Variants in VAT1L observed in about 807,000 individuals in gnomAD.
VAT1L encodes the protein putative NADPH-dependent quinone oxidoreductase VAT1L.
Under a neutral mutation model 44.1 loss-of-function variants are expected in VAT1L, and 34 were observed. The observed-to-expected ratio is 0.77, with a 90% CI of 0.59 to 1.03. VAT1L has a LOEUF of 1.03. Among genes scored for constraint, VAT1L ranks in the 50% least tolerant of loss-of-function variants. The pLI is 0.00. For synonymous variants in VAT1L, 253 were observed against 202.2 expected (o/e 1.25, Z -2.13); for missense variants, 615 against 538.8 (o/e 1.14, Z -1.40).
At position 77,884,304 on chromosome 16, in the gene VAT1L, A is replaced by G. The variant is rs1299474285; in HGVS notation, c.883-304A>G. Among the ~76,000 whole-genome samples the G allele has an allele frequency of 1.3e-5, 2 of 152,076 alleles. No individual in the cohort carries two copies. The highest frequency in any genetic ancestry group is 3.9e-4 in the East Asian group (2 of 5,176). On this transcript the variant is annotated intron_variant, in intron 6 of 8. Coordinates refer to ENST00000302536, the MANE Select transcript of VAT1L (RefSeq NM_020927.3). This position sits in a 1 kb window ranked among gnomAD's most constrained non-coding sequence, Gnocchi z 4.5. ...CTGGGCATGGTCGTGGGCGCCTGTAATCCCAGCTACTCGGGAGGCTGGGGC... is the reference window on the plus strand; with the variant it reads ...CTGGGCATGGTCGTGGGCGCCTGTAGTCCCAGCTACTCGGGAGGCTGGGGC...
chr16:77,946,699 G>A (rs563947383), intron 7 of VAT1L, among the ~76,000 whole-genome samples: 1 of 152,330 alleles, frequency 6.6e-6, no homozygotes, highest in African/African-American at 2.4e-5. Flanking sequence ...CTGGGAAGAT[G>A]TGACTTCAAT....
chr16:77,907,959 G>A (rs777122003), intron 7 of VAT1L, among the ~76,000 whole-genome samples: 13 of 152,170 alleles, frequency 8.5e-5, no homozygotes, highest in Non-Finnish European at 1.3e-4. Context: ...CCATCAAAAG[G>A]GCTGGACACG....
At position 77,876,450 on chromosome 16, in the gene VAT1L, C is replaced by G. The variant is rs770123756; in HGVS notation, c.803C>G (p.Pro268Arg). Residue 268 changes from proline (P) to arginine (R), a missense_variant, in exon 5 of 9, where the codon CCC becomes CGC. By Grantham distance (103) the Pro-to-Arg change is moderately radical. Transcript: ENST00000302536. ...GGAAAAGGTCTCAGTCTTCTCAAAC[C>G]CCTGGGAACCTACATTTTATATGGT... Reference protein sequence around the residue: ...NTGKGLSLLKPLGTYILYGSS... With the variant: ...NTGKGLSLLKRLGTYILYGSS... 1.2e-5 allele frequency: 19 copies of G among 1,614,018 alleles called. No homozygotes were observed. Among genetic ancestry groups the G allele is most frequent in the Admixed American group, 3.3e-5 (2 of 60,002 alleles).
In VAT1L at chr16:77,884,632, C is replaced by A; in HGVS notation, c.907C>A (p.Pro303Thr). The change falls in exon 7 of 9, where the codon CCC (proline) becomes ACC (threonine). Residue 303 changes from proline (P) to threonine (T), a missense_variant. Physicochemically the swap from Pro to Thr is conservative, Grantham distance 38. Coordinates refer to ENST00000302536, the MANE Select transcript of VAT1L (RefSeq NM_020927.3). The surrounding 1 kb of genome is among the most constrained non-coding windows in gnomAD (Gnocchi z 4.5). Reference protein sequence around the residue: ...KSWWQVEKVNPIKLYEENKVI... With the variant: ...KSWWQVEKVNTIKLYEENKVI... ...GTGGTGGCAGGTGGAGAAGGTGAAC[C>A]CCATCAAGCTGTATGAGGAGAACAA... 1.2e-6 allele frequency: 2 copies of A among 1,613,370 alleles called. No homozygotes were observed. Among genetic ancestry groups the A allele is most frequent in the South Asian group, 1.1e-5 (1 of 90,872 alleles).
intron 7 of VAT1L, among the ~76,000 whole-genome samples, chr16:77,905,658 T>C (rs578081663): frequency 7.2e-5 from 11 of 152,324 alleles, no homozygotes; most frequent in Non-Finnish European, 1.3e-4. Context: ...ATTCTGTTTA[T>C]ATCATTAGCT....
rs181691971 is a variant in VAT1L, at chr16:77,902,567, G to C, written c.1077+17765G>C. ...TTAAATGCCAAACAATATTATATTT[G>C]GTAAAACAATGTAAGACCCTCAACA... On this transcript the variant is annotated intron_variant, in intron 7 of 8. Transcript: ENST00000302536. 8.6e-5 allele frequency among the ~76,000 whole-genome samples: 13 copies of C among 151,982 alleles called. No homozygotes were observed. The East Asian group carries it at 2.5e-3, about 29-fold the overall frequency.
At chr16:77,920,938 T>C (rs1050353934) in intron 7 of VAT1L, among the ~76,000 whole-genome samples, 1 of 151,804 alleles carries the variant, frequency 6.6e-6, no homozygotes, top group Non-Finnish European at 1.5e-5. Flanking sequence ...TGTGTGTGTG[T>C]GTGTGTGTGT....
chr16:77,830,365 G>A (rs1360150428), intron 3 of VAT1L, among the ~76,000 whole-genome samples: 1 of 152,036 alleles, frequency 6.6e-6, no homozygotes, highest in East Asian at 1.9e-4. Context: ...TTTAATAAAA[G>A]CTATAGGAGA....
At chr16:77,806,664 C>G (rs1226693385) in intron 1 of VAT1L, among the ~76,000 whole-genome samples, 1 of 152,204 alleles carries the variant, frequency 6.6e-6, no homozygotes, top group Non-Finnish European at 1.5e-5. Flanking sequence ...TTTTTCTAAT[C>G]TTCACTTCCT....
At chr16:77,791,295 T>A (rs2015830699) in intron 1 of VAT1L, among the ~76,000 whole-genome samples, 1 of 152,166 alleles carries the variant, frequency 6.6e-6, no homozygotes, top group African/African-American at 2.4e-5. Context: ...AATAGAAACC[T>A]TTTTGTCATA....
At chr16:77,929,418 C>G (rs1284425360) in intron 7 of VAT1L, among the ~76,000 whole-genome samples, 1 of 152,146 alleles carries the variant, frequency 6.6e-6, no homozygotes, top group Non-Finnish European at 1.5e-5. Flanking sequence ...AGTTTCAAGA[C>G]AAGCTGAATT....
intron 3 of VAT1L, among the ~76,000 whole-genome samples, chr16:77,844,254 T>C (rs1194165761): frequency 6.6e-6 from 1 of 152,204 alleles, no homozygotes; most frequent in East Asian, 1.9e-4. Context: ...GTACAGACTT[T>C]TTCCTTGTGA....
intron 7 of VAT1L, among the ~76,000 whole-genome samples, chr16:77,954,415 A>G (rs2018079011): frequency 6.6e-6 from 1 of 152,186 alleles, no homozygotes; most frequent in Admixed American, 6.5e-5. Context: ...TCACAAGATC[A>G]GGAGTTCGAG....
intron 4 of VAT1L, among the ~76,000 whole-genome samples, chr16:77,869,434 G>T (rs2017007918): frequency 1.3e-5 from 2 of 152,192 alleles, no homozygotes; most frequent in Non-Finnish European, 2.9e-5. Flanking sequence ...CTGCACTTTA[G>T]GAGGCCAAGG....
At chr16:77,832,623 G>A (rs1050890940) in intron 3 of VAT1L, among the ~76,000 whole-genome samples, 2 of 152,228 alleles carry the variant, frequency 1.3e-5, no homozygotes, top group Admixed American at 6.5e-5. Context: ...ATAGACCTTG[G>A]AAAGGAAAGC....
Position 77,879,491 on chromosome 16 carries a change from G to A in VAT1L, c.882+267G>A, listed in dbSNP as rs1042400189. Among the ~76,000 whole-genome samples the A allele has an allele frequency of 2.0e-5, 3 of 152,132 alleles. No individual in the cohort carries two copies. The highest frequency in any genetic ancestry group is 4.2e-4 in the South Asian group (2 of 4,818). On this transcript the variant is annotated intron_variant, in intron 6 of 8. Transcript: ENST00000302536. The surrounding 1 kb of genome is among the most constrained non-coding windows in gnomAD (Gnocchi z 4.1). ...TTTGTAGTAGAGACGGGGTTTCACC[G>A]TGTTGGCCAGGATGGTCTCAATCTG...
chr16:77,887,538 G>T (rs1476867528), intron 7 of VAT1L, among the ~76,000 whole-genome samples: 1 of 152,160 alleles, frequency 6.6e-6, no homozygotes, highest in Admixed American at 6.5e-5. Context: ...GGCACAGATG[G>T]TACACGTGAG....
chr16:77,809,459 C>CT (rs5818090), intron 1 of VAT1L, among the ~76,000 whole-genome samples: 13 of 151,462 alleles, frequency 8.6e-5, no homozygotes, highest in Middle Eastern at 3.4e-3. Flanking sequence ...CTTTTTTGAT[C>CT]TTTTTTTTTT....
At chr16:77,846,307 C>T (rs79114091) in intron 3 of VAT1L, among the ~76,000 whole-genome samples, 2,488 of 152,214 alleles carry the variant, frequency 0.016, 65 homozygotes, top group African/African-American at 0.058. Flanking sequence ...AAACAGCCCC[C>T]AGCAGGTTCC....
Sources: gnomAD v4.1 joint callset for allele counts (sites outside exome capture counted in the v4.1 genomes callset) on GRCh38, gnomAD v4.1.1 for gene constraint, Gnocchi (gnomAD v3.1) non-coding constraint, MANE v1.5 for transcripts, NCBI Gene and HGNC (gene_info 2026-07-23, HGNC 2026-07-21) for gene names.